RASGEF1B: variants seen among roughly 807,000 people sequenced by gnomAD.
RASGEF1B encodes ras-GEF domain-containing family member 1B.
RASGEF1B carries 30 observed loss-of-function variants against 65.7 expected under a neutral mutation model. The observed-to-expected ratio is 0.46, with a 90% confidence interval of 0.34 to 0.62. The LOEUF is 0.62. Ranked by LOEUF, RASGEF1B falls within the 20% of genes least tolerant of loss-of-function variation. RASGEF1B has a pLI of 0.01. For synonymous variants in RASGEF1B, 175 were observed against 194.8 expected (o/e 0.90, Z 0.85); for missense variants, 495 against 580.1 (o/e 0.85, Z 1.51).
At chr4:81,462,957 C>T (rs1320612086) in intron 1 of RASGEF1B, among the ~76,000 whole-genome samples, 4 of 152,084 alleles carry the variant, frequency 2.6e-5, no homozygotes, top group African/African-American at 9.7e-5. Flanking sequence ...TAATAACTCG[C>T]TTGGGGTTAG....
intron 4 of RASGEF1B, among the ~76,000 whole-genome samples, chr4:81,448,925 C>T (rs1364963886): frequency 6.6e-6 from 1 of 152,166 alleles, no homozygotes; most frequent in Non-Finnish European, 1.5e-5. Context: ...AGCGATTCAC[C>T]TGCCTCAGCC....
chr4:81,435,012 A>G (rs1721560366), intron 10 of RASGEF1B, among the ~76,000 whole-genome samples: 1 of 152,200 alleles, frequency 6.6e-6, no homozygotes, highest in Non-Finnish European at 1.5e-5. Context: ...TTCTCATTGC[A>G]GTAGTATGCA....
At chr4:81,454,411 G>A (rs532928529) in intron 4 of RASGEF1B, 1 of 152,296 alleles carries the variant, frequency 6.6e-6, no homozygotes, top group East Asian at 1.9e-4. Flanking sequence ...ATGTTAAGTA[G>A]CTAAAGACAA....
intron 8 of RASGEF1B, among the ~76,000 whole-genome samples, chr4:81,443,379 A>G (rs1169223379): frequency 6.6e-6 from 1 of 152,166 alleles, no homozygotes; most frequent in East Asian, 1.9e-4. Flanking sequence ...TACCACTCCA[A>G]TCAAGATATA....
intron 1 of RASGEF1B, among the ~76,000 whole-genome samples, chr4:81,470,798 A>G (rs1349375547): frequency 2.0e-5 from 3 of 152,144 alleles, no homozygotes; most frequent in Admixed American, 2.0e-4. Context: ...CACCCTCGGC[A>G]GTGTCAGAGG....
chr4:81,460,759 A>G (rs1578638851), intron 1 of RASGEF1B, among the ~76,000 whole-genome samples: 1 of 152,338 alleles, frequency 6.6e-6, no homozygotes, highest in Middle Eastern at 3.4e-3. Context: ...GAATTAGATA[A>G]AAGAAGCATC....
chr4:81,431,443 A>G (rs1721426540), intron 13 of RASGEF1B, among the ~76,000 whole-genome samples: 1 of 152,076 alleles, frequency 6.6e-6, no homozygotes. Flanking sequence ...TAAGAATTCC[A>G]ATGCCTTCAT....
chr4:81,456,254 G>T, intron 4 of RASGEF1B: 1 of 511,314 alleles, frequency 2.0e-6, no homozygotes, highest in Non-Finnish European at 3.4e-6. Context: ...TTTATCCTCG[G>T]TTAATAGAAT....
intron 1 of RASGEF1B, among the ~76,000 whole-genome samples, chr4:81,461,822 AG>A (rs2109994633): frequency 6.6e-6 from 1 of 152,276 alleles, no homozygotes; most frequent in Non-Finnish European, 1.5e-5. Context: ...CTGAGACCCA[AG>A]GGGGTAAGGT....
intron 1 of RASGEF1B, among the ~76,000 whole-genome samples, chr4:81,466,156 C>T (rs750334423): frequency 6.6e-6 from 1 of 152,136 alleles, no homozygotes; most frequent in African/African-American, 2.4e-5. Context: ...TTTAATATCC[C>T]GGAATTACTG....
Position 81,461,264 on chromosome 4 carries a change from G to A in RASGEF1B, c.-6-1750C>T, listed in dbSNP as rs184058465. The stretch of plus-strand genomic sequence containing the variant: ...TGAGAAACTCATAGTGCCCTCAAAC[G>A]AGGAGGCAGGGACGTGAGATGAGAG... On this transcript the variant is annotated intron_variant, in intron 1 of 13. Transcript: ENST00000264400. 2.5e-4 allele frequency among the ~76,000 whole-genome samples: 38 copies of A among 152,306 alleles called. No homozygotes were observed. In the East Asian group the frequency reaches 5.0e-3, roughly 20 times the overall value.
chr4:81,427,072 C>T lies in RASGEF1B; in HGVS notation c.*696G>A, dbSNP rs965955467. On this transcript the variant is annotated 3_prime_UTR_variant, in exon 14 of 14. Transcript: ENST00000264400. ...CTGCTTTTTATTTTCTTTCTAGTGGCTATTTTCCTACCACAGTGTTGAGCT... is the reference window on the plus strand; with the variant it reads ...CTGCTTTTTATTTTCTTTCTAGTGGTTATTTTCCTACCACAGTGTTGAGCT... 3 of 147,168 alleles carry T rather than the reference C, an allele frequency of 2.0e-5. No individual in the cohort carries two copies. The highest frequency in any genetic ancestry group is 7.5e-5 in the African/African-American group (3 of 39,942). 9.1% of individuals were successfully genotyped at this position (147,168 alleles called of 1,614,324 possible). A position where few individuals can be genotyped will look rare whatever the true frequency, so the allele number is the denominator to read the frequency against.
At chr4:81,433,814 T>C (rs1721515579) in intron 12 of RASGEF1B, 26 bp downstream of exon 12, 1 of 1,609,586 alleles carries the variant, frequency 6.2e-7, no homozygotes, top group Non-Finnish European at 8.5e-7. Flanking sequence ...GGGATGCTAG[T>C]GGTAGCTCCT....
chr4:81,435,325 G>T (rs1721576807), intron 10 of RASGEF1B, among the ~76,000 whole-genome samples: 1 of 149,414 alleles, frequency 6.7e-6, no homozygotes, highest in Non-Finnish European at 1.5e-5. Flanking sequence ...GCAGGAGAAT[G>T]GCGTGAACCC....
chr4:81,430,500 C>T (rs1457019995), intron 13 of RASGEF1B, among the ~76,000 whole-genome samples: 1 of 152,186 alleles, frequency 6.6e-6, no homozygotes, highest in African/African-American at 2.4e-5. Context: ...TACAGGCCCA[C>T]TGGGGCTTCA....
At position 81,448,172 on chromosome 4, in the gene RASGEF1B, C is replaced by A. The variant is rs371591001; in HGVS notation, c.551G>T (p.Arg184Leu). 3 of 1,613,948 alleles carry A rather than the reference C, an allele frequency of 1.9e-6. No individual in the cohort carries two copies. The highest frequency in any genetic ancestry group is 1.3e-5 in the African/African-American group (1 of 74,900). ...LAKISSTSTD[R>L]LTVLKTKPQS... ...TGGCTTGGTCTTGAGAACTGTGAGC[C>A]GATCTGTGGATGTGGAGCTGATTTT... The change falls in exon 5 of 14, where the codon CGG becomes CTG. Residue 184 changes from arginine (R) to leucine (L), a missense_variant. Physicochemically the swap from Arg to Leu is moderately radical, Grantham distance 102. Coordinates refer to ENST00000264400, the MANE Select transcript of RASGEF1B (RefSeq NM_152545.3).
chr4:81,448,140 T>G lies in RASGEF1B; in HGVS notation c.583A>C (p.Ile195Leu). ...CAGACAGTAATGATATCCCTTTGTATAGACTGTGGCTTGGTCTTGAGAACT... is the reference window on the plus strand; with the variant it reads ...CAGACAGTAATGATATCCCTTTGTAGAGACTGTGGCTTGGTCTTGAGAACT... ...LTVLKTKPQS[I>L]QRDIITVCND... The change falls in exon 5 of 14, where the codon ATA becomes CTA. Residue 195 changes from isoleucine to leucine, a missense_variant. Ile to Leu is a conservative substitution (Grantham distance 5). Coordinates refer to ENST00000264400, the MANE Select transcript of RASGEF1B (RefSeq NM_152545.3). 2 of 1,614,176 alleles carry G rather than the reference T, an allele frequency of 1.2e-6. No individual in the cohort carries two copies. The highest frequency in any genetic ancestry group is 1.7e-6 in the Non-Finnish European group (2 of 1,180,022).
intron 2 of RASGEF1B, 135 bp from the exon 3 acceptor site, chr4:81,457,756 T>C (rs1722500676): frequency 3.4e-6 from 3 of 871,038 alleles, no homozygotes; most frequent in Non-Finnish European, 5.3e-6. Flanking sequence ...TGCCTACTAG[T>C]AGTAAAACAG....
intron 2 of RASGEF1B, 96 bp downstream of exon 2, chr4:81,459,236 C>T: frequency 1.1e-6 from 1 of 916,660 alleles, no homozygotes; most frequent in Non-Finnish European, 1.6e-6. Flanking sequence ...TCTTAGCAAC[C>T]TAGATATAAT....
Sources: gnomAD v4.1 joint callset for allele counts (sites outside exome capture counted in the v4.1 genomes callset) on GRCh38, gnomAD v4.1.1 for gene constraint, MANE v1.5 for transcripts, NCBI Gene and HGNC (gene_info 2026-07-23, HGNC 2026-07-21) for gene names.